The following CLSTN1 variants were observed in gnomAD, a reference collection of about 807,000 sequenced individuals.
CLSTN1 encodes calsyntenin-1.
CLSTN1 carries 28 observed loss-of-function variants against 108.3 expected under a neutral mutation model. The observed-to-expected ratio is 0.26, with a 90% CI of 0.19 to 0.35. The LOEUF (loss-of-function observed/expected upper bound fraction) is 0.35, where lower values mean the gene tolerates loss of function less well. CLSTN1 is among the 10% of genes least tolerant of loss of function. CLSTN1 has a pLI of 1.00. For missense variants in CLSTN1, 1,157 were observed against 1,302.6 expected (o/e 0.89, Z 1.72); for synonymous variants, 524 against 534.9 (o/e 0.98, Z 0.28).
At chr1:9,773,662 A>G (rs932121716) in intron 1 of CLSTN1, among the ~76,000 whole-genome samples, 3 of 152,202 alleles carry the variant, frequency 2.0e-5, no homozygotes, top group Non-Finnish European at 4.4e-5. Context: ...GGAAAAAAAA[A>G]GACTGATGGC....
chr1:9,773,317 G>C lies in CLSTN1; in HGVS notation c.169C>G (p.Pro57Ala). 1.2e-6 allele frequency: 2 copies of C among 1,614,138 alleles called. No homozygotes were observed. The highest frequency in any genetic ancestry group is 1.7e-6 in the Non-Finnish European group (2 of 1,180,020). Reference protein sequence around the residue: ...TENDNTVLLDPPLIALDKDAP... With the variant: ...TENDNTVLLDAPLIALDKDAP... ...TCTTTATCCAGCGCGATCAGTGGGG[G>C]GTCGAGGAGCACGGTGTTGTCGTTC... Residue 57 changes from proline to alanine, a missense_variant, in exon 2 of 19, where the codon CCC (proline) becomes GCC (alanine). Pro to Ala is a conservative substitution (Grantham distance 27). Coordinates refer to ENST00000377298, the MANE Select transcript of CLSTN1 (RefSeq NM_001009566.3).
At chr1:9,822,981 A>AC (rs916873943) in intron 1 of CLSTN1, among the ~76,000 whole-genome samples, 4 of 152,138 alleles carry the variant, frequency 2.6e-5, no homozygotes, top group African/African-American at 9.7e-5. Context: ...TCGCGATTTC[A>AC]CCTTTGGGTG....
In CLSTN1 at chr1:9,744,607, G is replaced by A. The variant is rs573501912; in HGVS notation, c.1022C>T (p.Pro341Leu). ...AAGTAELLPSPSGSLNWTMGL... is the reference protein window; with the variant it reads ...AAGTAELLPSLSGSLNWTMGL... The stretch of plus-strand genomic sequence containing the variant: ...CATGGTCCAGTTGAGGGATCCACTC[G>A]GGGATGGCAGCAGCTCGGCAGTGCC... The change falls in exon 8 of 19, where the codon CCG becomes CTG. Residue 341 changes from proline (P) to leucine (L), a missense_variant. Transcript: ENST00000377298. The A allele has an allele frequency of 1.6e-5, 26 of 1,613,036 alleles. No homozygotes were observed. Among genetic ancestry groups the A allele is most frequent in the South Asian group, 5.5e-5 (5 of 91,048 alleles).
At chr1:9,804,245 C>T (rs557404353) in intron 1 of CLSTN1, among the ~76,000 whole-genome samples, 2 of 151,794 alleles carry the variant, frequency 1.3e-5, no homozygotes, top group South Asian at 2.1e-4. Context: ...CGCCTGTAGT[C>T]CCAGCTACTC....
intron 1 of CLSTN1, among the ~76,000 whole-genome samples, chr1:9,807,240 T>C (rs1037338324): frequency 6.6e-6 from 1 of 152,018 alleles, no homozygotes; most frequent in African/African-American, 2.4e-5. Context: ...ACAGCACCTG[T>C]CCACGTCACA....
chr1:9,807,388 A>G (rs1654552636), intron 1 of CLSTN1, among the ~76,000 whole-genome samples: 1 of 152,206 alleles, frequency 6.6e-6, no homozygotes. Flanking sequence ...AGCAAAGATA[A>G]TATTAAATGA....
At chr1:9,736,259 T>TG (rs1650686236) in intron 11 of CLSTN1, among the ~76,000 whole-genome samples, 2 of 152,144 alleles carry the variant, frequency 1.3e-5, no homozygotes, top group African/African-American at 4.8e-5. Flanking sequence ...AAGGGAGAGT[T>TG]GGGGGTGTCT....
chr1:9,730,488 G>A lies in CLSTN1; in HGVS notation c.*20C>T, dbSNP rs373087974. ...AGCAGAGTCTTCGAAAGCAGAAACC[G>A]AGGTGGCCGGGGGCACGGGTCAGTA... On this transcript the variant is annotated 3_prime_UTR_variant, in exon 19 of 19. Coordinates refer to ENST00000377298, the MANE Select transcript of CLSTN1 (RefSeq NM_001009566.3). This position sits in a 1 kb window ranked among gnomAD's most constrained non-coding sequence, Gnocchi z 5.6. 35 of 1,597,504 alleles carry A rather than the reference G, an allele frequency of 2.2e-5. No individual in the cohort carries two copies. Among genetic ancestry groups the A allele is most frequent in the East Asian group, 1.6e-4 (7 of 44,856 alleles).
chr1:9,750,096 CA>C (rs1450755578), intron 5 of CLSTN1, 183 bp from the exon 6 acceptor site: 1 of 566,280 alleles, frequency 1.8e-6, no homozygotes, highest in Non-Finnish European at 3.1e-6. Flanking sequence ...GCACTAAATC[CA>C]TCCTGAAGAG....
intron 4 of CLSTN1, among the ~76,000 whole-genome samples, chr1:9,753,796 C>T (rs1337642240): frequency 1.3e-5 from 2 of 150,352 alleles, no homozygotes; most frequent in African/African-American, 2.5e-5. Flanking sequence ...CGTGAGCCAC[C>T]GTGCCTGGCC....
Position 9,730,684 on chromosome 1 carries a change from T to G in CLSTN1, c.2770A>C (p.Ser924Arg). 1 of 1,607,888 alleles carries G rather than the reference T, an allele frequency of 6.2e-7. No homozygotes were observed. The highest frequency in any genetic ancestry group is 8.5e-7 in the Non-Finnish European group (1 of 1,179,126). The change falls in exon 19 of 19, where the codon AGT becomes CGT. Residue 924 changes from serine (S) to arginine (R), a missense_variant. Transcript: ENST00000377298. The surrounding 1 kb of genome is among the most constrained non-coding windows in gnomAD (Gnocchi z 5.6). ...PMETYEDQHS[S>R]EEEEEEEEEE... is the part of the protein sequence containing the mutation. ...TCTTCCTCTTCCTCCTCCTCCTCACTGCTGTGCTGGTCCTCATAGGTCTGG... is the reference window on the plus strand; with the variant it reads ...TCTTCCTCTTCCTCCTCCTCCTCACGGCTGTGCTGGTCCTCATAGGTCTGG...
intron 1 of CLSTN1, among the ~76,000 whole-genome samples, chr1:9,790,167 G>T (rs568327667): frequency 6.6e-6 from 1 of 151,202 alleles, no homozygotes; most frequent in Non-Finnish European, 1.5e-5. Flanking sequence ...TCCGAATTCC[G>T]CTATGAAAGA....
At chr1:9,802,626 G>A (rs1654330147) in intron 1 of CLSTN1, among the ~76,000 whole-genome samples, 1 of 152,114 alleles carries the variant, frequency 6.6e-6, no homozygotes, top group South Asian at 2.1e-4. Context: ...AGGGAAACAG[G>A]GTTAAAGACA....
chr1:9,813,363 C>G (rs1000265823), intron 1 of CLSTN1, among the ~76,000 whole-genome samples: 1 of 151,340 alleles, frequency 6.6e-6, no homozygotes, highest in Non-Finnish European at 1.5e-5. Flanking sequence ...ACCAGGCTTG[C>G]TGGTGCATGT....
chr1:9,733,577 G>C (rs772334768), intron 15 of CLSTN1, 31 bp from the exon 16 acceptor site: 1 of 1,612,528 alleles, frequency 6.2e-7, no homozygotes, highest in Non-Finnish European at 8.5e-7. Flanking sequence ...AAGATTGCCG[G>C]GTGGCTTAGG....
intron 1 of CLSTN1, among the ~76,000 whole-genome samples, chr1:9,811,241 C>G (rs886786718): frequency 3.9e-5 from 6 of 151,994 alleles, no homozygotes; most frequent in Non-Finnish European, 5.9e-5. Context: ...GGTACTTACT[C>G]CAATTTAGAA....
intron 1 of CLSTN1, among the ~76,000 whole-genome samples, chr1:9,800,378 T>C (rs1164499638): frequency 1.3e-5 from 2 of 150,870 alleles, no homozygotes; most frequent in Non-Finnish European, 3.0e-5. Flanking sequence ...ATTCCTAGTA[T>C]CAGAAATGAA....
chr1:9,749,784 G>A lies in CLSTN1; in HGVS notation c.779C>T (p.Thr260Ile). 1 of 1,614,208 alleles carries A rather than the reference G, an allele frequency of 6.2e-7. No individual in the cohort carries two copies. Among genetic ancestry groups the A allele is most frequent in the South Asian group, 1.1e-5 (1 of 91,080 alleles). The change falls in exon 6 of 19, where the codon ACC becomes ATC. Residue 260 changes from threonine (T) to isoleucine (I), a missense_variant. By Grantham distance (89) the Thr-to-Ile change is moderately conservative. Transcript: ENST00000377298. ...CTCACCTTGCCACCCAGGGGTGCAG[G>A]TGGGCTTAATGCTGATCTTCACCAA... ...DVLVKISIKP[T>I]CTPGWQGWNN...
intron 1 of CLSTN1, among the ~76,000 whole-genome samples, chr1:9,784,611 CAA>C (rs1418536375): frequency 6.6e-6 from 1 of 152,186 alleles, no homozygotes; most frequent in African/African-American, 2.4e-5. Context: ...CTAAATATTG[CAA>C]GAGACTGTTG....
Sources: gnomAD v4.1 joint callset for allele counts (sites outside exome capture counted in the v4.1 genomes callset) on GRCh38, gnomAD v4.1.1 for gene constraint, Gnocchi (gnomAD v3.1) non-coding constraint, MANE v1.5 for transcripts, NCBI Gene and HGNC (gene_info 2026-07-23, HGNC 2026-07-21) for gene names.